The following PRELID2 variants were observed in gnomAD, a reference collection of about 807,000 sequenced individuals.
PRELID2 encodes the protein PRELI domain containing 2.
PRELID2 carries 25 observed loss-of-function variants against 28.4 expected under a neutral mutation model. The observed-to-expected ratio is 0.88, with a 90% CI of 0.64 to 1.23. PRELID2 has a LOEUF of 1.23. PRELID2 is among the 50% of genes most tolerant of loss of function. The pLI is 0.00. For synonymous variants in PRELID2, 76 were observed against 71.6 expected (o/e 1.06, Z -0.31); for missense variants, 201 against 214.4 (o/e 0.94, Z 0.39).
At chr5:145,694,420 T>C (rs1755213181) in intron 1 of PRELID2, among the ~76,000 whole-genome samples, 1 of 152,176 alleles carries the variant, frequency 6.6e-6, no homozygotes, top group Admixed American at 6.5e-5. Flanking sequence ...TAATTGTTAA[T>C]GAAATTTATT....
chr5:145,568,058 G>A (rs1045027214), intron 1 of PRELID2, among the ~76,000 whole-genome samples: 2 of 152,010 alleles, frequency 1.3e-5, no homozygotes, highest in African/African-American at 4.8e-5. Flanking sequence ...CTATTATATG[G>A]CAGAAAGGAG....
chr5:145,632,224 C>A (rs536285624), intron 1 of PRELID2, among the ~76,000 whole-genome samples: 1 of 152,066 alleles, frequency 6.6e-6, no homozygotes, highest in Non-Finnish European at 1.5e-5. Context: ...CTCTTTCTTA[C>A]GGTAATTGTA....
chr5:145,424,518 G>C, the PRELID2 span, among the ~76,000 whole-genome samples: 1 of 152,176 alleles, frequency 6.6e-6, no homozygotes, highest in Non-Finnish European at 1.5e-5. Flanking sequence ...GTCAGTCACC[G>C]CTTTCTTTGA....
intron 1 of PRELID2, among the ~76,000 whole-genome samples, chr5:145,742,107 T>C (rs1756825554): frequency 7.8e-6 from 1 of 127,684 alleles, no homozygotes; most frequent in South Asian, 2.3e-4. Flanking sequence ...CATATAATTA[T>C]ATATAAATAA....
the PRELID2 span, among the ~76,000 whole-genome samples, chr5:145,407,575 C>T: frequency 6.6e-6 from 1 of 152,154 alleles, no homozygotes; most frequent in African/African-American, 2.4e-5. Flanking sequence ...CCTATGGCTC[C>T]ACCCATTGCC....
intron 1 of PRELID2, among the ~76,000 whole-genome samples, chr5:145,712,562 AC>A (rs1156513586): frequency 1.3e-5 from 2 of 152,152 alleles, no homozygotes; most frequent in African/African-American, 2.4e-5. Flanking sequence ...AAGAAGCAAT[AC>A]CCTTTTTTAA....
intron 1 of PRELID2, among the ~76,000 whole-genome samples, chr5:145,680,315 A>G (rs1754907078): frequency 6.6e-6 from 1 of 152,206 alleles, no homozygotes; most frequent in South Asian, 2.1e-4. Context: ...TTAAAGAGGG[A>G]TATCTTTGTG....
At chr5:145,731,861 T>A (rs1376396041) in intron 1 of PRELID2, among the ~76,000 whole-genome samples, 1 of 152,000 alleles carries the variant, frequency 6.6e-6, no homozygotes, top group East Asian at 1.9e-4. Flanking sequence ...GATAAGGAGA[T>A]TAAAGACAGC....
chr5:145,603,118 A>C (rs1161927189), intron 1 of PRELID2, among the ~76,000 whole-genome samples: 3 of 151,478 alleles, frequency 2.0e-5, no homozygotes, highest in Admixed American at 2.0e-4. Flanking sequence ...TGATGAGAAG[A>C]CCTCACATAC....
At chr5:145,317,628 C>G in the PRELID2 span, among the ~76,000 whole-genome samples, 2 of 152,182 alleles carry the variant, frequency 1.3e-5, no homozygotes, top group African/African-American at 4.8e-5. Context: ...AAAGGAGAAT[C>G]CAGAGTATTT....
At chr5:145,380,524 C>G in the PRELID2 span, among the ~76,000 whole-genome samples, 13 of 152,328 alleles carry the variant, frequency 8.5e-5, no homozygotes, top group South Asian at 2.5e-3. Flanking sequence ...AACTTCTCAA[C>G]AAAGTCTTCT....
At chr5:145,366,151 G>T in the PRELID2 span, among the ~76,000 whole-genome samples, 1 of 151,840 alleles carries the variant, frequency 6.6e-6, no homozygotes, top group Non-Finnish European at 1.5e-5. Context: ...AGCCATAGAG[G>T]ACACATGTTT....
chr5:145,368,999 T>G, the PRELID2 span, among the ~76,000 whole-genome samples: 1 of 151,806 alleles, frequency 6.6e-6, no homozygotes, highest in Admixed American at 6.6e-5. Flanking sequence ...CAGTGTGTGT[T>G]GTTCCCCTCT....
At chr5:145,675,030 T>G (rs1232762341) in intron 1 of PRELID2, among the ~76,000 whole-genome samples, 1 of 151,934 alleles carries the variant, frequency 6.6e-6, no homozygotes, top group East Asian at 1.9e-4. Flanking sequence ...TTCCTATGAC[T>G]CAAAATCTAC....
the PRELID2 span, among the ~76,000 whole-genome samples, chr5:145,277,324 T>C: frequency 6.6e-6 from 1 of 152,202 alleles, no homozygotes; most frequent in Non-Finnish European, 1.5e-5. Context: ...CTATTAGATC[T>C]CATAAAAATA....
At chr5:145,534,815 A>C (rs1752685559) in intron 1 of PRELID2, among the ~76,000 whole-genome samples, 1 of 151,984 alleles carries the variant, frequency 6.6e-6, no homozygotes, top group Non-Finnish European at 1.5e-5. Flanking sequence ...ATATAGAGAA[A>C]GTCTCTGCTG....
the PRELID2 span, among the ~76,000 whole-genome samples, chr5:145,453,181 C>A: frequency 1.3e-5 from 2 of 152,100 alleles, no homozygotes; most frequent in Non-Finnish European, 2.9e-5. Context: ...AAAGAGAGAA[C>A]CTCAATATCA....
At chr5:145,505,252 G>A (rs1344930425) in intron 1 of PRELID2, among the ~76,000 whole-genome samples, 1 of 152,060 alleles carries the variant, frequency 6.6e-6, no homozygotes, top group African/African-American at 2.4e-5. Flanking sequence ...TACCATCCAA[G>A]TGCAAGCCAT....
intron 1 of PRELID2, among the ~76,000 whole-genome samples, chr5:145,482,132 T>C (rs1347055307): frequency 6.6e-6 from 1 of 152,186 alleles, no homozygotes; most frequent in Non-Finnish European, 1.5e-5. Context: ...TTCATGTAGC[T>C]GTTGTGCTAT....
Sources: allele counts gnomAD v4.1 joint callset (sites outside exome capture counted in the v4.1 genomes callset), GRCh38; gene constraint gnomAD v4.1.1; transcripts MANE v1.5; gene names NCBI Gene and HGNC (gene_info 2026-07-23, HGNC 2026-07-21).